The following STK3 variants were observed in gnomAD, a reference collection of about 807,000 sequenced individuals.
The protein encoded by STK3 is serine/threonine-protein kinase 3.
In STK3, 41 loss-of-function variants were observed where a neutral mutation model predicts 58.0. That is an observed-to-expected ratio of 0.71 (90% CI 0.55 to 0.92). The LOEUF (loss-of-function observed/expected upper bound fraction) is 0.92. Ranked by LOEUF, STK3 falls within the 40% of genes least tolerant of loss-of-function variation. The pLI is 0.00. For synonymous variants in STK3, 170 were observed against 191.0 expected, an observed-to-expected ratio of 0.89 and a Z score of 0.91; for missense variants, 479 against 602.7, an observed-to-expected ratio of 0.79 and a Z score of 2.15.
chr8:98,374,778 A>T (rs996045591), intron 2 of STK3, among the ~76,000 whole-genome samples: 2 of 152,210 alleles, frequency 1.3e-5, no homozygotes, highest in Non-Finnish European at 2.9e-5. Context: ...ATTTCATGAG[A>T]ATGCAGGAGA....
At chr8:98,718,227 G>A (rs1033204074) in intron 4 of STK3, among the ~76,000 whole-genome samples, 9 of 151,970 alleles carry the variant, frequency 5.9e-5, no homozygotes, top group Non-Finnish European at 1.0e-4. Flanking sequence ...GTGTATCTTG[G>A]CACAATAAAA....
At chr8:98,696,932 G>A (rs1356269402) in intron 6 of STK3, among the ~76,000 whole-genome samples, 1 of 152,132 alleles carries the variant, frequency 6.6e-6, no homozygotes, top group East Asian at 1.9e-4. Flanking sequence ...AGAAGGAATG[G>A]TACCAATTCC....
intron 6 of STK3, among the ~76,000 whole-genome samples, chr8:98,630,304 A>C (rs1819085039): frequency 6.6e-6 from 1 of 152,254 alleles, no homozygotes; most frequent in Non-Finnish European, 1.5e-5. Context: ...ACCAAGCACC[A>C]AACAAACAGC....
At chr8:98,690,804 A>G (rs1047556206) in intron 6 of STK3, among the ~76,000 whole-genome samples, 2 of 152,178 alleles carry the variant, frequency 1.3e-5, no homozygotes, top group African/African-American at 4.8e-5. Flanking sequence ...ACTATACTAC[A>G]TGGTACTGTA....
At chr8:98,754,135 G>T (rs766262819) in intron 3 of STK3, among the ~76,000 whole-genome samples, 3 of 152,120 alleles carry the variant, frequency 2.0e-5, no homozygotes, top group Non-Finnish European at 4.4e-5. Context: ...AGCTTTGCTA[G>T]GTCTTGGGAA....
At chr8:98,408,169 T>C (rs1818018114) in intron 3 of STK3, among the ~76,000 whole-genome samples, 1 of 152,100 alleles carries the variant, frequency 6.6e-6, no homozygotes, top group African/African-American at 2.4e-5. Context: ...AATTGGCCAT[T>C]TGGAAAAAGG....
chr8:98,641,123 A>T (rs1819984258), intron 6 of STK3, among the ~76,000 whole-genome samples: 1 of 152,148 alleles, frequency 6.6e-6, no homozygotes. Context: ...TCTTCCCCAC[A>T]AGAAGATTTC....
intron 10 of STK3, among the ~76,000 whole-genome samples, chr8:98,496,697 C>T (rs555391629): frequency 1.4e-4 from 22 of 152,204 alleles, no homozygotes; most frequent in African/African-American, 4.1e-4. Flanking sequence ...GGATATTATG[C>T]TAAGTAGAAT....
downstream of STK3, among the ~76,000 whole-genome samples, chr8:98,368,254 G>A (rs1817582152): frequency 6.6e-6 from 1 of 152,202 alleles, no homozygotes; most frequent in Admixed American, 6.5e-5. Flanking sequence ...CCTGGGGTAT[G>A]GAGGCAGGTG....
At chr8:98,925,133 G>A (rs966803702) in intron 1 of STK3, among the ~76,000 whole-genome samples, 3 of 152,120 alleles carry the variant, frequency 2.0e-5, no homozygotes, top group Admixed American at 2.0e-4. Context: ...GTGCTTTGGG[G>A]CCCATCTGCT....
intron 3 of STK3, among the ~76,000 whole-genome samples, chr8:98,756,917 G>A (rs1443782883): frequency 6.6e-6 from 1 of 152,110 alleles, no homozygotes; most frequent in Non-Finnish European, 1.5e-5. Context: ...CTATGCCCCA[G>A]AACCCACTCA....
In STK3 at chr8:98,375,181, G is replaced by A. The variant is rs189923436; in HGVS notation, n.112-3503C>T. The stretch of plus-strand genomic sequence containing the variant: ...GAGATGGGAGGATTGCCTGAGCCCA[G>A]GAGGTTGAGGCTGCAGTGAGCCATT... On this transcript the variant is annotated intron_variant and non_coding_transcript_variant, in intron 2 of 2. Transcript: ENST00000518704. Among the ~76,000 whole-genome samples the A allele has an allele frequency of 2.0e-5, 3 of 151,810 alleles. No individual in the cohort carries two copies. In the East Asian group the frequency reaches 5.8e-4, roughly 29 times the overall value.
intron 1 of STK3, among the ~76,000 whole-genome samples, chr8:98,921,071 G>C (rs1839540403): frequency 6.6e-6 from 1 of 152,158 alleles, no homozygotes; most frequent in Non-Finnish European, 1.5e-5. Context: ...AGATCAGCCT[G>C]GTGCAAATGG....
chr8:98,905,670 T>C (rs1381960136), intron 1 of STK3: 3 of 744,158 alleles, frequency 4.0e-6, no homozygotes, highest in African/African-American at 3.5e-5. Context: ...AGCTTCATCA[T>C]CCGGACAAGC....
rs185336804 is a variant in STK3 at position 98,537,220 on chromosome 8, T to C, written c.1142-10303A>G. 3.6e-4 allele frequency among the ~76,000 whole-genome samples: 55 copies of C among 152,330 alleles called. No individual in the cohort carries two copies. In the East Asian group the frequency reaches 0.01, roughly 28 times the overall value. On this transcript the variant is annotated intron_variant, in intron 9 of 10. Coordinates refer to ENST00000419617, the MANE Select transcript of STK3 (RefSeq NM_006281.4). ...TGTATGTGCTTATACTTCTAAATAT[T>C]TTCCATTGCTTAATTTAAAACCTAG...
At chr8:98,625,029 C>T (rs957435551) in intron 6 of STK3, among the ~76,000 whole-genome samples, 9 of 151,914 alleles carry the variant, frequency 5.9e-5, no homozygotes, top group South Asian at 2.1e-4. Flanking sequence ...TGAGAAAGAT[C>T]GAAAGATTGG....
chr8:98,773,208 T>A (rs1831433371), intron 2 of STK3, among the ~76,000 whole-genome samples: 1 of 152,148 alleles, frequency 6.6e-6, no homozygotes, highest in Non-Finnish European at 1.5e-5. Flanking sequence ...TGTCCAATTC[T>A]AAAAGAGATA....
At chr8:98,533,456 G>A (rs922762275) in intron 9 of STK3, among the ~76,000 whole-genome samples, 3 of 152,110 alleles carry the variant, frequency 2.0e-5, no homozygotes, top group Non-Finnish European at 4.4e-5. Context: ...TATGTTGTAT[G>A]TATGTATGTA....
At chr8:98,856,372 A>G (rs925020935) in intron 3 of STK3, among the ~76,000 whole-genome samples, 3 of 152,016 alleles carry the variant, frequency 2.0e-5, no homozygotes, top group African/African-American at 7.2e-5. Flanking sequence ...GCCAAATAAC[A>G]CAATTTTAAA....
Sources: allele counts gnomAD v4.1 joint callset (sites outside exome capture counted in the v4.1 genomes callset), GRCh38; gene constraint gnomAD v4.1.1; transcripts MANE v1.5; gene names NCBI Gene and HGNC (gene_info 2026-07-23, HGNC 2026-07-21).